LSAMP: variants seen among roughly 807,000 people sequenced by gnomAD.
LSAMP encodes limbic system-associated membrane protein.
A neutral mutation model predicts 38.6 loss-of-function variants in LSAMP; 7 were observed. That is an observed-to-expected ratio of 0.18 (90% CI 0.10 to 0.34). The LOEUF (loss-of-function observed/expected upper bound fraction) is 0.34. Among genes scored for constraint, LSAMP ranks in the 10% least tolerant of loss-of-function variants. LSAMP has a pLI of 1.00. For missense variants in LSAMP, 313 were observed against 420.0 expected (o/e 0.75, Z 2.23); for synonymous variants, 154 against 166.8 (o/e 0.92, Z 0.59).
intron 3 of LSAMP, among the ~76,000 whole-genome samples, chr3:115,863,559 C>T (rs550825919): frequency 6.6e-6 from 1 of 151,742 alleles, no homozygotes; most frequent in East Asian, 1.9e-4. Flanking sequence ...TATTCATATA[C>T]AACACATTTG....
intron 1 of LSAMP, among the ~76,000 whole-genome samples, chr3:116,288,761 C>T (rs575339075): frequency 6.9e-4 from 105 of 152,290 alleles, no homozygotes; most frequent in Middle Eastern, 6.8e-3. Context: ...ATTTCTTTTG[C>T]TACCAAACCA....
At chr3:115,819,155 A>G (rs1040131644) in intron 6 of LSAMP, among the ~76,000 whole-genome samples, 26 of 151,600 alleles carry the variant, frequency 1.7e-4, no homozygotes, top group African/African-American at 5.6e-4. Context: ...ATCTCAAAAA[A>G]ACAAAAGTGG....
chr3:116,077,529 T>C (rs1233895483), intron 2 of LSAMP, among the ~76,000 whole-genome samples: 1 of 152,206 alleles, frequency 6.6e-6, no homozygotes, highest in Non-Finnish European at 1.5e-5. Context: ...CTGTATTTAA[T>C]ATTTAATATA....
chr3:115,939,587 T>TCTCTTTCTTTCTTTC (rs1553751094), intron 3 of LSAMP, among the ~76,000 whole-genome samples: 4 of 151,234 alleles, frequency 2.6e-5, no homozygotes, highest in Admixed American at 6.6e-5. Context: ...TTTCTTTCTG[T>TCTCTTTCTTTCTTTC]TAAGAGACAG....
At chr3:116,216,074 C>T (rs1202319689) in intron 1 of LSAMP, among the ~76,000 whole-genome samples, 2 of 152,148 alleles carry the variant, frequency 1.3e-5, no homozygotes, top group Non-Finnish European at 2.9e-5. Flanking sequence ...AATCTGAAAT[C>T]CACCTATCCA....
intron 2 of LSAMP, among the ~76,000 whole-genome samples, chr3:116,027,201 A>C (rs1940810730): frequency 6.6e-6 from 1 of 152,180 alleles, no homozygotes; most frequent in East Asian, 1.9e-4. Flanking sequence ...ATTCAGCCTA[A>C]ATCAGCTGAC....
chr3:116,383,175 G>T (rs1195859404), intron 1 of LSAMP, among the ~76,000 whole-genome samples: 1 of 152,124 alleles, frequency 6.6e-6, no homozygotes, highest in African/African-American at 2.4e-5. Flanking sequence ...CTAGGAGAAA[G>T]TTTGGAGGCA....
chr3:116,274,920 A>G lies in LSAMP; in HGVS notation c.155+169957T>C, dbSNP rs546577917. 1.3e-3 allele frequency among the ~76,000 whole-genome samples: 197 copies of G among 150,342 alleles called. 3 individuals carry two copies. The highest frequency in any genetic ancestry group is 4.7e-3 in the African/African-American group (191 of 41,036). On this transcript the variant is annotated intron_variant, in intron 1 of 6. Transcript: ENST00000490035. ...AGTTATACATAAAAAGTATATTTTT[A>G]TAATTCAGAGGAATAACATCGAGTA...
intron 1 of LSAMP, among the ~76,000 whole-genome samples, chr3:116,387,064 C>T (rs756854825): frequency 2.6e-5 from 4 of 152,084 alleles, no homozygotes; most frequent in Non-Finnish European, 5.9e-5. Flanking sequence ...TTTGGGATCA[C>T]ATGAGGGAGA....
At chr3:115,907,021 A>G (rs1937023315) in intron 3 of LSAMP, among the ~76,000 whole-genome samples, 1 of 152,126 alleles carries the variant, frequency 6.6e-6, no homozygotes, top group Non-Finnish European at 1.5e-5. Context: ...ATTTAAAACA[A>G]ACTCCCTTTC....
chr3:116,211,001 T>TA (rs1297381889), intron 1 of LSAMP, among the ~76,000 whole-genome samples: 53 of 145,324 alleles, frequency 3.6e-4, no homozygotes, highest in Admixed American at 4.8e-4. Flanking sequence ...TACTCAACCT[T>TA]AAAAAAAAAA....
chr3:116,200,093 T>TACACACACACAC, intron 1 of LSAMP, among the ~76,000 whole-genome samples: 1 of 149,366 alleles, frequency 6.7e-6, no homozygotes, highest in African/African-American at 2.5e-5. Context: ...AGTCTTACTT[T>TACACACACACAC]ACACACACAC....
chr3:116,423,242 A>G (rs942160561), intron 1 of LSAMP, among the ~76,000 whole-genome samples: 7 of 152,218 alleles, frequency 4.6e-5, no homozygotes, highest in Admixed American at 3.9e-4. Flanking sequence ...TTGCAACAGA[A>G]GGAAAATGGT....
intron 3 of LSAMP, among the ~76,000 whole-genome samples, chr3:115,896,847 T>A (rs1936741326): frequency 6.6e-6 from 1 of 152,112 alleles, no homozygotes; most frequent in Admixed American, 6.6e-5. Context: ...TTTATGGTCA[T>A]GATTCATAAG....
At chr3:116,089,192 T>C (rs915149622) in intron 1 of LSAMP, among the ~76,000 whole-genome samples, 1 of 152,232 alleles carries the variant, frequency 6.6e-6, no homozygotes, top group African/African-American at 2.4e-5. Flanking sequence ...AATTGCCAGA[T>C]GCATAAAAGT....
intron 6 of LSAMP, among the ~76,000 whole-genome samples, chr3:115,823,277 A>C (rs1381933844): frequency 1.3e-5 from 2 of 152,240 alleles, no homozygotes; most frequent in African/African-American, 2.4e-5. Context: ...ACCTGAAAGC[A>C]CTTTGGGTGT....
At chr3:115,856,471 T>A (rs1935511545) in intron 3 of LSAMP, among the ~76,000 whole-genome samples, 2 of 151,906 alleles carry the variant, frequency 1.3e-5, no homozygotes, top group Non-Finnish European at 2.9e-5. Context: ...TACAAAAAAA[T>A]TAGCAAGTGT....
chr3:116,114,500 G>T (rs1309887478), intron 1 of LSAMP, among the ~76,000 whole-genome samples: 3 of 145,184 alleles, frequency 2.1e-5, no homozygotes, highest in African/African-American at 7.6e-5. Flanking sequence ...TTCCAGAAAT[G>T]CTTTTTTTTT....
At chr3:116,237,610 A>T (rs1355274033) in intron 1 of LSAMP, among the ~76,000 whole-genome samples, 1 of 152,234 alleles carries the variant, frequency 6.6e-6, no homozygotes, top group Admixed American at 6.5e-5. Flanking sequence ...TTTTCACCAC[A>T]ATTCATTTAA....
Sources: gnomAD v4.1 joint callset for allele counts (sites outside exome capture counted in the v4.1 genomes callset) on GRCh38, gnomAD v4.1.1 for gene constraint, MANE v1.5 for transcripts, NCBI Gene and HGNC (gene_info 2026-07-23, HGNC 2026-07-21) for gene names.